TRPM5: variants seen among roughly 807,000 people sequenced by gnomAD.
TRPM5 encodes the protein MLSN1 and TRP-related.
A neutral mutation model predicts 124.9 loss-of-function variants in TRPM5; 121 were observed. The observed-to-expected ratio is 0.97, with a 90% CI of 0.84 to 1.13. TRPM5 has a LOEUF of 1.13. Ranked by LOEUF, TRPM5 falls within the 50% of genes most tolerant of loss-of-function variation. The pLI is 0.00. For synonymous variants in TRPM5, 781 were observed against 700.5 expected (o/e 1.11, Z -1.81); for missense variants, 1,643 against 1,589.1 (o/e 1.03, Z -0.58).
exon 2 of TRPM5, chr11:2,422,187 C>T (rs1212079113): frequency 6.2e-7 from 1 of 1,612,014 alleles, no homozygotes; most frequent in Non-Finnish European, 8.5e-7. Context: ...GCACATCCCG[C>T]AGCCAGGACT....
At chr11:2,418,399 CCGA>C (rs1845716892) in intron 5 of TRPM5, 41 bp from the exon 11 acceptor site, 1 of 1,530,100 alleles carries the variant, frequency 6.5e-7, no homozygotes, top group African/African-American at 1.4e-5. Context: ...CCAGATTAGC[CCGA>C]CGACATCTGG....
At chr11:2,439,449 G>T in the TRPM5 span, among the ~76,000 whole-genome samples, 112 of 152,228 alleles carry the variant, frequency 7.4e-4, no homozygotes, top group Admixed American at 4.6e-3. Flanking sequence ...CTAATATCCA[G>T]AATCTATAAG....
chr11:2,443,667 T>C, the TRPM5 span, among the ~76,000 whole-genome samples: 1 of 151,944 alleles, frequency 6.6e-6, no homozygotes, highest in East Asian at 1.9e-4. The surrounding 1 kb of genome is among the most constrained non-coding windows in gnomAD (Gnocchi z 5.0). Flanking sequence ...TACATCAAAT[T>C]GACCCAGGGT....
chr11:2,407,101 G>C lies in TRPM5; in HGVS notation c.3118+18C>G, dbSNP rs573893767. The C allele has an allele frequency of 1.9e-6, 2 of 1,053,384 alleles. No individual in the cohort carries two copies. The highest frequency in any genetic ancestry group is 4.0e-5 in the South Asian group (2 of 50,248). The allele number at this position is 1,053,384 out of a possible 1,614,324, so 65.3% of individuals were successfully genotyped here. On this transcript the variant is annotated intron_variant, in intron 20 of 23. Transcript: ENST00000155858. ...ACCTCGGCCTCACCCAGGTGCTCCC[G>C]CTTGTGCTCGGCCTCACCCAGGTGC...
At chr11:2,409,541 G>A (rs1416346133) in intron 18 of TRPM5, among the ~76,000 whole-genome samples, 1 of 152,212 alleles carries the variant, frequency 6.6e-6, no homozygotes, top group African/African-American at 2.4e-5. Flanking sequence ...TGGGGCAGGG[G>A]TCTGTTCTGG....
the TRPM5 span, among the ~76,000 whole-genome samples, chr11:2,439,957 A>G: frequency 6.6e-6 from 1 of 152,266 alleles, no homozygotes; most frequent in African/African-American, 2.4e-5. Flanking sequence ...GACTGGGTAA[A>G]GAAAATGTGG....
the TRPM5 span, among the ~76,000 whole-genome samples, chr11:2,442,376 T>TACACACAC: frequency 8.8e-4 from 124 of 141,254 alleles, 1 homozygote; most frequent in South Asian, 2.2e-3. This position sits in a 1 kb window ranked among gnomAD's most constrained non-coding sequence, Gnocchi z 5.9. Context: ...CATTCTTTGA[T>TACACACAC]ACACACACAC....
At chr11:2,413,264 C>A in intron 13 of TRPM5, 38 bp from the exon 19 acceptor site, 1 of 1,495,170 alleles carries the variant, frequency 6.7e-7, no homozygotes, top group South Asian at 1.3e-5. Flanking sequence ...GCAGGAAGGG[C>A]TCCCAGAGGC....
intron 11 of TRPM5, 103 bp downstream of exon 16, chr11:2,414,612 C>A: frequency 7.1e-7 from 1 of 1,408,086 alleles, no homozygotes; most frequent in Non-Finnish European, 9.3e-7. Context: ...TGGAGCCCCA[C>A]GGCGGTAACA....
intron 7 of TRPM5, 26 bp from the exon 13 acceptor site, chr11:2,416,050 GTGAGGGTGGAGC>G: frequency 6.4e-7 from 1 of 1,563,364 alleles, no homozygotes; most frequent in Non-Finnish European, 8.7e-7. Flanking sequence ...GCAGGCACTG[GTGAGGGTGGAGC>G]TGAGGGCCTC....
chr11:2,411,136 C>T (rs1435491630), intron 18 of TRPM5, among the ~76,000 whole-genome samples: 1 of 152,162 alleles, frequency 6.6e-6, no homozygotes, highest in East Asian at 1.9e-4. Flanking sequence ...CAGGTCGGGG[C>T]TCCGTGACTG....
chr11:2,438,891 C>T, the TRPM5 span, among the ~76,000 whole-genome samples: 1 of 152,134 alleles, frequency 6.6e-6, no homozygotes, highest in Non-Finnish European at 1.5e-5. This position sits in a 1 kb window ranked among gnomAD's most constrained non-coding sequence, Gnocchi z 5.9. Context: ...GCAAAAAGAA[C>T]AAAGCCAGAG....
the TRPM5 span, among the ~76,000 whole-genome samples, chr11:2,443,836 G>T: frequency 1.3e-5 from 1 of 76,004 alleles, no homozygotes; most frequent in South Asian, 5.1e-4. This position sits in a 1 kb window ranked among gnomAD's most constrained non-coding sequence, Gnocchi z 5.0. Context: ...CCCCCCCCAA[G>T]CCTGAGACGT....
At chr11:2,443,724 C>T in the TRPM5 span, among the ~76,000 whole-genome samples, 1 of 152,086 alleles carries the variant, frequency 6.6e-6, no homozygotes, top group African/African-American at 2.4e-5. The surrounding 1 kb of genome is among the most constrained non-coding windows in gnomAD (Gnocchi z 5.0). Context: ...GGTCTCCTGG[C>T]GGGGCGGAGA....
exon 18 of TRPM5, chr11:2,411,524 C>T (rs1229006902): frequency 6.2e-7 from 1 of 1,608,148 alleles, no homozygotes; most frequent in Non-Finnish European, 8.5e-7. Context: ...AGACGTCCTT[C>T]ATCTCCACGG....
chr11:2,414,578 A>T, intron 11 of TRPM5, 137 bp downstream of exon 16: 3 of 1,247,752 alleles, frequency 2.4e-6, no homozygotes, highest in South Asian at 1.6e-5. Flanking sequence ...GTCCTCTCCT[A>T]TGGAGGAGGC....
rs1399105932 is a variant in TRPM5, at chr11:2,415,480, C to T, written c.1129-9G>A. 7.8e-6 allele frequency: 12 copies of T among 1,533,690 alleles called. No homozygotes were observed. Among genetic ancestry groups the T allele is most frequent in the Non-Finnish European group, 9.6e-6 (11 of 1,141,656 alleles). On this transcript the variant is annotated splice_polypyrimidine_tract_variant and intron_variant, in intron 8 of 23. Coordinates refer to ENST00000155858, the Ensembl canonical transcript of TRPM5. ...TCCTCCAGGTCACAGGACTTGGCGG[C>T]CATGGGCACCCGAGGGAAGGGGGAC...
At chr11:2,412,622 G>A in intron 15 of TRPM5, 132 bp downstream of exon 20, 1 of 1,010,346 alleles carries the variant, frequency 9.9e-7, no homozygotes, top group Non-Finnish European at 1.4e-6. Context: ...TGGTGACTGG[G>A]AAGATGGGAG....
chr11:2,421,310 G>C (rs937248239), intron 2 of TRPM5, 112 bp from the exon 8 acceptor site: 3 of 1,346,164 alleles, frequency 2.2e-6, no homozygotes. Flanking sequence ...GGAGCCAGGG[G>C]TGGGTGCTGG....
Sources: gnomAD v4.1 joint callset for allele counts (sites outside exome capture counted in the v4.1 genomes callset) on GRCh38, gnomAD v4.1.1 for gene constraint, Gnocchi (gnomAD v3.1) non-coding constraint, MANE v1.5 for transcripts, NCBI Gene and HGNC (gene_info 2026-07-23, HGNC 2026-07-21) for gene names.